The following PRELID3A variants were observed in gnomAD, a reference collection of about 807,000 sequenced individuals.
PRELID3A encodes the protein PRELI domain containing 3A, also known as PRELI domain containing protein 3A.
In PRELID3A, 27 loss-of-function variants were observed where a neutral mutation model predicts 23.0. The observed-to-expected ratio is 1.17, with a 90% CI of 0.87 to 1.62. PRELID3A has a LOEUF of 1.62. Ranked by LOEUF, PRELID3A falls within the 40% of genes most tolerant of loss-of-function variation. PRELID3A has a pLI of 0.00. For missense variants in PRELID3A, 231 were observed against 231.4 expected, an observed-to-expected ratio of 1.00 and a Z score of 0.01; for synonymous variants, 87 against 86.4, an observed-to-expected ratio of 1.01 and a Z score of -0.04.
At chr18:12,418,047 C>T (rs535394519) in intron 1 of PRELID3A, among the ~76,000 whole-genome samples, 5 of 152,190 alleles carry the variant, frequency 3.3e-5, no homozygotes, top group Non-Finnish European at 7.3e-5. Context: ...TAACTTTCAC[C>T]TAGGACAAGA....
chr18:12,409,866 C>T (rs1480989935), intron 1 of PRELID3A, among the ~76,000 whole-genome samples: 1 of 152,046 alleles, frequency 6.6e-6, no homozygotes. Context: ...ACTTTACATA[C>T]CATAAAATTA....
At chr18:12,422,188 T>C (rs4483914) in intron 3 of PRELID3A, 106,589 of 147,592 alleles carry the variant, frequency 0.72, 39,063 homozygotes, top group East Asian at 0.98. Context: ...AGTGATGCCT[T>C]TCAACGTGCT....
Position 12,427,227 on chromosome 18 carries a change from G to A in PRELID3A, c.369G>A (p.Val123=). ...TCTTCTTGCTCTTTTGCAGGACCGT[G>A]CTCACACAAGAAGCCATCATCACTG... The part of the protein sequence containing the change: ...TPHPENPEMT[V]LTQEAIITVK... Residue 123 remains valine, a synonymous_variant, in exon 5 of 7, where the codon GTG becomes GTA. Coordinates refer to ENST00000440960, the MANE Select transcript of PRELID3A (RefSeq NM_001142405.2). 1 of 1,614,046 alleles carries A rather than the reference G, an allele frequency of 6.2e-7. No individual in the cohort carries two copies. The highest frequency in any genetic ancestry group is 8.5e-7 in the Non-Finnish European group (1 of 1,179,934).
chr18:12,416,401 C>T (rs375611282), intron 1 of PRELID3A, among the ~76,000 whole-genome samples: 9 of 152,328 alleles, frequency 5.9e-5, no homozygotes, highest in African/African-American at 7.2e-5. Context: ...CCTCGACCTC[C>T]GGTCTTAGGT....
chr18:12,426,563 A>AAAAAAAAAAAAAG lies in PRELID3A; in HGVS notation c.292-475_292-474insAAAAAAAAAGAAA, dbSNP rs67993774. Among the ~76,000 whole-genome samples, 13 of 87,716 alleles carry AAAAAAAAAAAAAG rather than the reference A, an allele frequency of 1.5e-4. 3 individuals carry two copies. Among genetic ancestry groups the AAAAAAAAAAAAAG allele is most frequent in the African/African-American group, 3.4e-4 (8 of 23,378 alleles). The allele number at this position is 87,716 out of a possible 152,430, so 57.5% of individuals were successfully genotyped here. On this transcript the variant is annotated intron_variant, in intron 3 of 6. Transcript: ENST00000440960. ...AGTGAGACTCCATCTCAAAAAAAAA[A>AAAAAAAAAAAAAG]AAAGTATAAATATGTACATAAGGAG...
intron 1 of PRELID3A, among the ~76,000 whole-genome samples, chr18:12,419,294 C>T (rs1360854322): frequency 6.8e-6 from 1 of 146,392 alleles, no homozygotes; most frequent in African/African-American, 2.6e-5. Context: ...CCATTGCACT[C>T]CAGCCTGGGT....
At chr18:12,426,008 A>G (rs1371404193) in intron 3 of PRELID3A, among the ~76,000 whole-genome samples, 33 of 151,984 alleles carry the variant, frequency 2.2e-4, no homozygotes, top group African/African-American at 7.7e-4. Flanking sequence ...AGGGTAAGGC[A>G]GACAGATCAC....
chr18:12,415,008 A>G (rs2029900589), intron 1 of PRELID3A, among the ~76,000 whole-genome samples: 1 of 151,964 alleles, frequency 6.6e-6, no homozygotes, highest in African/African-American at 2.4e-5. Context: ...GACTTACTGC[A>G]GCCTCAAACT....
At chr18:12,426,019 G>T (rs868519495) in intron 3 of PRELID3A, among the ~76,000 whole-genome samples, 1 of 151,982 alleles carries the variant, frequency 6.6e-6, no homozygotes, top group Non-Finnish European at 1.5e-5. Flanking sequence ...GACAGATCAC[G>T]AGGTCAGGAG....
At chr18:12,427,858 G>A (rs2030431478) in intron 5 of PRELID3A, among the ~76,000 whole-genome samples, 1 of 152,150 alleles carries the variant, frequency 6.6e-6, no homozygotes, top group African/African-American at 2.4e-5. Context: ...GGGAGCCAAA[G>A]TTACTCTTCT....
intron 1 of PRELID3A, among the ~76,000 whole-genome samples, chr18:12,415,847 G>A (rs985160492): frequency 3.9e-5 from 6 of 152,112 alleles, no homozygotes; most frequent in African/African-American, 9.7e-5. Flanking sequence ...CCCTTAGCCC[G>A]CCAGGCAGAC....
chr18:12,416,806 C>T (rs1292918640), intron 1 of PRELID3A, among the ~76,000 whole-genome samples: 8 of 151,846 alleles, frequency 5.3e-5, no homozygotes, highest in Non-Finnish European at 5.9e-5. Context: ...CCACCGTGCC[C>T]GGCTAATTTT....
At chr18:12,414,220 A>G (rs1014063761) in intron 1 of PRELID3A, among the ~76,000 whole-genome samples, 4 of 151,986 alleles carry the variant, frequency 2.6e-5, no homozygotes, top group Non-Finnish European at 4.4e-5. Flanking sequence ...CAAAGAGAAG[A>G]GTACTCAGGG....
Position 12,420,360 on chromosome 18 carries a change from G to A in PRELID3A, c.68G>A (p.Arg23His), listed in dbSNP as rs372651215. The change falls in exon 2 of 7, where the codon CGC becomes CAC. Residue 23 changes from arginine (R) to histidine (H), a missense_variant. Transcript: ENST00000440960. The stretch of plus-strand genomic sequence containing the variant: ...GACACGGTCATCCAGGCGGCCATGC[G>A]CAAGTACCCGAACCCGATGAACCCG... ...PWDTVIQAAM[R>H]KYPNPMNPSV... 5.6e-6 allele frequency: 9 copies of A among 1,611,300 alleles called. No individual in the cohort carries two copies. The African/African-American group carries it at 6.7e-5, about 12-fold the overall frequency.
intron 3 of PRELID3A, 86 bp from the exon 4 acceptor site, chr18:12,426,955 C>T (rs1438321632): frequency 8.5e-6 from 8 of 943,976 alleles, no homozygotes; most frequent in South Asian, 4.1e-5. Context: ...CCACTAAGTG[C>T]TAATTTTGGG....
chr18:12,426,778 G>T (rs931338998), intron 3 of PRELID3A, among the ~76,000 whole-genome samples: 4 of 152,100 alleles, frequency 2.6e-5, no homozygotes, highest in Admixed American at 6.6e-5. Context: ...ACTGCTGATA[G>T]TTTTGGCAGC....
At chr18:12,415,552 T>A (rs1454451229) in intron 1 of PRELID3A, among the ~76,000 whole-genome samples, 1 of 152,098 alleles carries the variant, frequency 6.6e-6, no homozygotes, top group African/African-American at 2.4e-5. Flanking sequence ...CCACTGTGCC[T>A]GGCCTTAAAT....
At chr18:12,417,233 G>A (rs1246663940) in intron 1 of PRELID3A, among the ~76,000 whole-genome samples, 1 of 152,070 alleles carries the variant, frequency 6.6e-6, no homozygotes, top group African/African-American at 2.4e-5. Flanking sequence ...GAGTGCAGTG[G>A]CGCGATCTCG....
At chr18:12,427,142 G>C in intron 4 of PRELID3A, 31 bp downstream of exon 4, 1 of 1,601,536 alleles carries the variant, frequency 6.2e-7, no homozygotes, top group Non-Finnish European at 8.6e-7. Flanking sequence ...TTGACACATT[G>C]AATGCCACGG....
Sources: allele counts gnomAD v4.1 joint callset (sites outside exome capture counted in the v4.1 genomes callset), GRCh38; gene constraint gnomAD v4.1.1; transcripts MANE v1.5; gene names NCBI Gene and HGNC (gene_info 2026-07-23, HGNC 2026-07-21).